Variants in DDX42 observed in about 807,000 individuals in gnomAD.
DDX42 encodes DEAD-box helicase 42.
In DDX42, 22 loss-of-function variants were observed where a neutral mutation model predicts 101.5. The ratio of observed to expected loss-of-function variants is 0.22; its 90% CI spans 0.15 to 0.31. The LOEUF is 0.31. Among genes scored for constraint, DDX42 ranks in the 10% least tolerant of loss-of-function variants. The pLI, the probability that DDX42 is intolerant of heterozygous loss-of-function variation, is 1.00. For synonymous variants in DDX42, 402 were observed against 401.2 expected (o/e 1.00, Z -0.02); for missense variants, 849 against 1,199.9 (o/e 0.71, Z 4.32).
Position 63,818,344 on chromosome 17 carries a change from C to T in DDX42, c.2763C>T (p.Asp921=), listed in dbSNP as rs576068219. Residue 921 remains aspartate, a synonymous_variant, in exon 18 of 18, where the codon GAC becomes GAT. Coordinates refer to ENST00000389924, the MANE Select transcript of DDX42 (RefSeq NM_203499.3). Reference sequence around the variant, plus strand: ...ACAGCAAGACAGATAAGACAGCTGACGGCTTTGCTGTCCCAGAGCCGCCTA... The same window carrying T: ...ACAGCAAGACAGATAAGACAGCTGATGGCTTTGCTGTCCCAGAGCCGCCTA... ...KVDSKTDKTA[D]GFAVPEPPKR... is the part of the protein sequence containing the mutation. The T allele has an allele frequency of 3.4e-5, 55 of 1,614,048 alleles. No homozygotes were observed. Among genetic ancestry groups the T allele is most frequent in the African/African-American group, 1.1e-4 (8 of 75,040 alleles).
At chr17:63,792,290 T>C (rs2039637622) in intron 2 of DDX42, 122 bp from the exon 3 acceptor site, 1 of 1,068,450 alleles carries the variant, frequency 9.4e-7, no homozygotes, top group Non-Finnish European at 1.3e-6. Context: ...TGGAGGTCTC[T>C]AATTTGATCT....
intron 4 of DDX42, among the ~76,000 whole-genome samples, chr17:63,799,226 T>G (rs2039731194): frequency 6.6e-6 from 1 of 152,222 alleles, no homozygotes; most frequent in African/African-American, 2.4e-5. Context: ...ACAAGATTTT[T>G]TTTTTCTTTT....
At chr17:63,788,878 T>C (rs2039584069) in intron 2 of DDX42, among the ~76,000 whole-genome samples, 2 of 151,548 alleles carry the variant, frequency 1.3e-5, no homozygotes, top group Admixed American at 6.6e-5. Context: ...CTGCTTGAGG[T>C]TTTTTTTGTT....
chr17:63,804,808 C>T (rs571949399), intron 6 of DDX42, among the ~76,000 whole-genome samples: 7 of 152,242 alleles, frequency 4.6e-5, no homozygotes, highest in African/African-American at 1.7e-4. Flanking sequence ...AGGATCGCAC[C>T]ACTGCACTAC....
chr17:63,807,049 A>T (rs2039850153), intron 8 of DDX42, among the ~76,000 whole-genome samples: 1 of 152,222 alleles, frequency 6.6e-6, no homozygotes, highest in South Asian at 2.1e-4. Flanking sequence ...TTTTCTGTAT[A>T]TGAATGAGAT....
rs759154730 is a variant in DDX42, at chr17:63,815,604, A to G, written c.1944A>G (p.Gly648=). The change falls in exon 16 of 18, where the codon GGA becomes GGG. Residue 648 remains glycine, a synonymous_variant. Coordinates refer to ENST00000389924, the MANE Select transcript of DDX42 (RefSeq NM_203499.3). ...FRKSRFKGGK[G]KKLNIGGGGL... ...AATCTCGATTCAAAGGAGGGAAAGG[A>G]AAAAAGCTGAACATTGGTGGAGGAG... is the stretch of plus-strand genomic sequence containing the variant. The G allele has an allele frequency of 8.7e-6, 14 of 1,613,890 alleles. No individual in the cohort carries two copies. The South Asian group carries it at 8.8e-5, about 10-fold the overall frequency.
chr17:63,787,937 G>A (rs946301022), intron 2 of DDX42, among the ~76,000 whole-genome samples: 3 of 90,488 alleles, frequency 3.3e-5, no homozygotes, highest in Non-Finnish European at 4.3e-5. Flanking sequence ...GCAGAGTTTT[G>A]CTCGTCACCC....
At chr17:63,805,819 T>C (rs1466641220) in intron 7 of DDX42, 1 of 152,350 alleles carries the variant, frequency 6.6e-6, no homozygotes, top group African/African-American at 2.4e-5. Context: ...TGTGTATTTG[T>C]GTGTGTACAC....
At chr17:63,776,137 ATAAAG>A (rs757634752) in intron 1 of DDX42, 12 of 152,280 alleles carry the variant, frequency 7.9e-5, no homozygotes, top group African/African-American at 2.7e-4. Context: ...AATACAAGTG[ATAAAG>A]TAATGTGGCT....
chr17:63,777,364 A>G (rs941730821), intron 1 of DDX42, among the ~76,000 whole-genome samples: 3 of 152,232 alleles, frequency 2.0e-5, no homozygotes, highest in African/African-American at 7.2e-5. Context: ...AAAGTGAATA[A>G]GCCTGTTTCT....
chr17:63,803,199 CAG>C (rs1311891337), intron 6 of DDX42, among the ~76,000 whole-genome samples: 68 of 152,264 alleles, frequency 4.5e-4, no homozygotes, highest in African/African-American at 1.5e-3. Context: ...TATAATGTAA[CAG>C]AGTGTGAAAA....
intron 1 of DDX42, among the ~76,000 whole-genome samples, chr17:63,784,154 A>G (rs900021979): frequency 1.3e-5 from 2 of 152,206 alleles, no homozygotes; most frequent in Non-Finnish European, 2.9e-5. Flanking sequence ...CCTATGAAGT[A>G]TATATAGACA....
At chr17:63,816,645 G>A in intron 16 of DDX42, 2 of 401,108 alleles carry the variant, frequency 5.0e-6, no homozygotes, top group Non-Finnish European at 8.9e-6. Flanking sequence ...TTGCATTTCT[G>A]TTTAATAGGG....
intron 2 of DDX42, among the ~76,000 whole-genome samples, chr17:63,788,877 GT>G (rs894812500): frequency 2.0e-5 from 3 of 151,458 alleles, no homozygotes; most frequent in South Asian, 2.1e-4. Flanking sequence ...ACTGCTTGAG[GT>G]TTTTTTTGTT....
intron 17 of DDX42, chr17:63,817,356 CAAACTT>C (rs1201538485): frequency 2.2e-5 from 7 of 323,838 alleles, no homozygotes; most frequent in Non-Finnish European, 3.4e-5. Flanking sequence ...GTTTTGCTGT[CAAACTT>C]AAATTGCAGT....
chr17:63,792,464 C>A lies in DDX42; in HGVS notation c.274C>A (p.Pro92Thr). 6.2e-7 allele frequency: 1 copy of A among 1,613,748 alleles called. No homozygotes were observed. The highest frequency in any genetic ancestry group is 8.5e-7 in the Non-Finnish European group (1 of 1,179,844). The part of the protein sequence containing the change: ...DSSNVDLPYI[P>T]AENSPTRQQF... ...TAGCAACGTTGATTTACCTTACATT[C>A]CTGCTGAAAACTCACCAACTCGCCA... The change falls in exon 3 of 18, where the codon CCT becomes ACT. Residue 92 changes from proline to threonine, a missense_variant. By Grantham distance (38) the Pro-to-Thr change is conservative. Around this residue, in one of 5 missense-constraint regions of DDX42, gnomAD observed 92 missense variants for 106.7 expected, o/e 0.86. Coordinates refer to ENST00000389924, the MANE Select transcript of DDX42 (RefSeq NM_203499.3).
rs1445341091 is a variant in DDX42, at chr17:63,798,048, C to G, written c.383C>G (p.Ala128Gly). ...CTTTTGTTTCATTAGGATCAGGCAG[C>G]TAGAGACATGAAGAGGCTTGAAGAA... Reference protein sequence around the residue: ...AFMAEVEDQAARDMKRLEEKD... With the variant: ...AFMAEVEDQAGRDMKRLEEKD... Residue 128 changes from alanine to glycine, a missense_variant, in exon 4 of 18, where the codon GCT becomes GGT. This residue lies in a region of DDX42 where 370 missense variants were observed against 608.8 expected (regional missense o/e 0.61). Coordinates refer to ENST00000389924, the MANE Select transcript of DDX42 (RefSeq NM_203499.3). 1 of 1,612,228 alleles carries G rather than the reference C, an allele frequency of 6.2e-7. No individual in the cohort carries two copies.
In DDX42 at chr17:63,812,117, C is replaced by T; in HGVS notation, c.1584C>T (p.Leu528=). ...LKQEGHNLGL[L]HGDMDQSERN... ...AGGAGGGTCATAATCTTGGGCTGCTCCATGGGGATATGGATCAGAGTGAGA... is the reference window on the plus strand; with the variant it reads ...AGGAGGGTCATAATCTTGGGCTGCTTCATGGGGATATGGATCAGAGTGAGA... The change falls in exon 14 of 18, where the codon CTC becomes CTT. Residue 528 remains leucine (L), a synonymous_variant. Coordinates refer to ENST00000389924, the MANE Select transcript of DDX42 (RefSeq NM_203499.3). 1.2e-6 allele frequency: 2 copies of T among 1,614,196 alleles called. No individual in the cohort carries two copies. Among genetic ancestry groups the T allele is most frequent in the South Asian group, 1.1e-5 (1 of 91,088 alleles).
In DDX42 at chr17:63,810,548, C is replaced by T; in HGVS notation, c.1288C>T (p.Pro430Ser). ...TCGATCCATAGCAAGTCATGTTCGT[C>T]CTGACAGGCAGAGTATGTATGAAGC... ...QVRSIASHVR[P>S]DRQTLLFSAT... The change falls in exon 12 of 18, where the codon CCT becomes TCT. Residue 430 changes from proline to serine, a missense_variant. Physicochemically the swap from Pro to Ser is moderately conservative, Grantham distance 74. Coordinates refer to ENST00000389924, the MANE Select transcript of DDX42 (RefSeq NM_203499.3). The T allele has an allele frequency of 6.2e-7, 1 of 1,613,972 alleles. No homozygotes were observed. The highest frequency in any genetic ancestry group is 8.5e-7 in the Non-Finnish European group (1 of 1,179,982).
Sources: allele counts gnomAD v4.1 joint callset (sites outside exome capture counted in the v4.1 genomes callset), GRCh38; gene constraint gnomAD v4.1.1; regional missense constraint gnomAD v4.1.1; transcripts MANE v1.5; gene names NCBI Gene and HGNC (gene_info 2026-07-23, HGNC 2026-07-21).